Variants in PLEKHO2 observed in about 807,000 individuals in gnomAD.
The protein encoded by PLEKHO2 is pleckstrin homology domain containing O2.
In PLEKHO2, 20 loss-of-function variants were observed where a neutral mutation model predicts 32.7. The ratio of observed to expected loss-of-function variants is 0.61; its 90% CI spans 0.43 to 0.89. The LOEUF (loss-of-function observed/expected upper bound fraction) is 0.89, where lower values mean the gene tolerates loss of function less well. PLEKHO2 is among the 40% of genes least tolerant of loss of function. PLEKHO2 has a pLI of 0.00. For missense variants in PLEKHO2, 568 were observed against 621.2 expected, an observed-to-expected ratio of 0.91 and a Z score of 0.91; for synonymous variants, 247 against 246.3, an observed-to-expected ratio of 1.00 and a Z score of -0.03.
In PLEKHO2 at chr15:64,865,797, T is replaced by C. The variant is rs768925404; in HGVS notation, c.1382T>C (p.Met461Thr). Residue 461 changes from methionine to threonine, a missense_variant, in exon 6 of 6, where the codon ATG becomes ACG. Transcript: ENST00000323544. ...LRQATQVLQE[M>T]RDLGELSQEA... ...CAGGCCACCCAGGTCCTGCAGGAAA[T>C]GAGAGATTTGGGAGAGCTGAGCCAG... is the stretch of plus-strand genomic sequence containing the variant. 3 of 1,613,466 alleles carry C rather than the reference T, an allele frequency of 1.9e-6. No homozygotes were observed. Among genetic ancestry groups the C allele is most frequent in the Admixed American group, 1.7e-5 (1 of 59,984 alleles).
chr15:64,865,622 T>C lies in PLEKHO2; in HGVS notation c.1207T>C (p.Leu403=). Residue 403 remains leucine (L), a synonymous_variant, in exon 6 of 6, where the codon TTG becomes CTG. Transcript: ENST00000323544. The stretch of plus-strand genomic sequence containing the variant: ...GCTTGGGGAAGGCCCGCGGCATCCC[T>C]TGCAGCCCAGGGAACGGCTATATCG... The part of the protein sequence containing the change: ...DLLGEGPRHP[L]QPRERLYRAQ... The C allele has an allele frequency of 1.2e-6, 2 of 1,614,250 alleles. No individual in the cohort carries two copies. Among genetic ancestry groups the C allele is most frequent in the Non-Finnish European group, 1.7e-6 (2 of 1,180,034 alleles).
At chr15:64,849,905 A>G (rs1771240844) in intron 2 of PLEKHO2, among the ~76,000 whole-genome samples, 1 of 151,490 alleles carries the variant, frequency 6.6e-6, no homozygotes, top group Non-Finnish European at 1.5e-5. Flanking sequence ...TTACACCTAT[A>G]ATCTCAGCAC....
At chr15:64,842,265 A>G (rs2084489955) in intron 1 of PLEKHO2, among the ~76,000 whole-genome samples, 1 of 152,214 alleles carries the variant, frequency 6.6e-6, no homozygotes, top group Non-Finnish European at 1.5e-5. Flanking sequence ...CGTGGTTGTT[A>G]CCGTTCCCAT....
At chr15:64,843,290 C>A (rs766156364) in intron 1 of PLEKHO2, among the ~76,000 whole-genome samples, 5 of 152,238 alleles carry the variant, frequency 3.3e-5, no homozygotes, top group Admixed American at 1.3e-4. Context: ...CTGACAGTGG[C>A]CGGTTCTCTC....
chr15:64,865,036 C>T lies in PLEKHO2; in HGVS notation c.621C>T (p.Thr207=), dbSNP rs564254491. 1.2e-6 allele frequency: 2 copies of T among 1,614,114 alleles called. No individual in the cohort carries two copies. Among genetic ancestry groups the T allele is most frequent in the African/African-American group, 1.3e-5 (1 of 75,038 alleles). ...CACCCCGGCCCCTCATGCCTCCTACCAAGCCTTTCCTAGCACCTGAGACCA... is the reference window on the plus strand; with the variant it reads ...CACCCCGGCCCCTCATGCCTCCTACTAAGCCTTTCCTAGCACCTGAGACCA... ...RETPRPLMPP[T]KPFLAPETTS... The change falls in exon 6 of 6, where the codon ACC becomes ACT. Residue 207 remains threonine (T), a synonymous_variant. Transcript: ENST00000323544.
At position 64,867,468 on chromosome 15, in the gene PLEKHO2, A is replaced by T. The variant is rs902380385; in HGVS notation, c.*1580A>T. The T allele has an allele frequency of 1.3e-5, 2 of 152,318 alleles. No individual in the cohort carries two copies. Among genetic ancestry groups the T allele is most frequent in the African/African-American group, 2.4e-5 (1 of 41,438 alleles). 9.4% of individuals were successfully genotyped at this position (152,318 alleles called of 1,614,324 possible). On this transcript the variant is annotated 3_prime_UTR_variant, in exon 6 of 6. Transcript: ENST00000323544. ...CTTGTGCAAACTGGGCCCCCATGCC[A>T]CAGTCTGGCTTTCCCTCCATCTGCC...
At chr15:64,859,421 C>T (rs375553404) in intron 3 of PLEKHO2, among the ~76,000 whole-genome samples, 2 of 152,320 alleles carry the variant, frequency 1.3e-5, no homozygotes, top group African/African-American at 4.8e-5. Flanking sequence ...TTTCCATGAC[C>T]TCACTCCTTC....
rs74019327 is a variant in PLEKHO2, at chr15:64,844,946, G to A, written c.12+2918G>A. Among the ~76,000 whole-genome samples, 588 of 152,300 alleles carry A rather than the reference G, an allele frequency of 3.9e-3. 5 individuals carry two copies. Among genetic ancestry groups the A allele is most frequent in the African/African-American group, 0.013 (549 of 41,572 alleles). ...AGACAGGGGACTTATCTTATACAGC[G>A]TCTCTGTTACCCACCTCAGACTGAA... On this transcript the variant is annotated intron_variant, in intron 1 of 5. Transcript: ENST00000323544.
At chr15:64,854,243 G>T (rs2084591008) in intron 2 of PLEKHO2, among the ~76,000 whole-genome samples, 1 of 152,226 alleles carries the variant, frequency 6.6e-6, no homozygotes, top group Non-Finnish European at 1.5e-5. Context: ...AAGAGGCTGG[G>T]CACTGTTCTG....
intron 2 of PLEKHO2, among the ~76,000 whole-genome samples, chr15:64,849,239 C>A (rs926176369): frequency 6.6e-6 from 1 of 151,646 alleles, no homozygotes; most frequent in Non-Finnish European, 1.5e-5. Context: ...TCTCCTGGGT[C>A]CTGGTTCAAG....
chr15:64,851,976 G>A (rs2140340538), intron 2 of PLEKHO2, among the ~76,000 whole-genome samples: 1 of 152,244 alleles, frequency 6.6e-6, no homozygotes, highest in South Asian at 2.1e-4. Context: ...AAGGCACTCA[G>A]AAAACTGGTC....
chr15:64,849,378 C>T (rs1388240844), intron 2 of PLEKHO2, among the ~76,000 whole-genome samples: 1 of 151,976 alleles, frequency 6.6e-6, no homozygotes, highest in Non-Finnish European at 1.5e-5. Flanking sequence ...AATCTCTTGA[C>T]CTCGTGATCC....
chr15:64,845,779 C>A (rs2084517432), intron 1 of PLEKHO2, among the ~76,000 whole-genome samples: 1 of 152,168 alleles, frequency 6.6e-6, no homozygotes, highest in Admixed American at 6.5e-5. Flanking sequence ...CAGCTGTGGC[C>A]CTAGGGAGCT....
rs2084657852 is a variant in PLEKHO2, at chr15:64,863,516, TGTTTG to T, written c.484-1382_484-1378del. Among the ~76,000 whole-genome samples the T allele has an allele frequency of 4.7e-5, 5 of 107,176 alleles. No homozygotes were observed. The South Asian group carries it at 1.9e-3, about 40-fold the overall frequency. The allele number at this position is 107,176 out of a possible 152,430, so 70.3% of individuals were successfully genotyped here. A position where few individuals can be genotyped will look rare whatever the true frequency, so the allele number is the denominator to read the frequency against. ...TTCAGGGAGGCGCTGTGTGTGTGTG[TGTTTG>T]TGTGTGTGTGTGTGTGTGTGTGTGT... On this transcript the variant is annotated intron_variant, in intron 5 of 5. Coordinates refer to ENST00000323544, the MANE Select transcript of PLEKHO2 (RefSeq NM_025201.5).
chr15:64,848,750 C>T lies in PLEKHO2; in HGVS notation c.162+8C>T, dbSNP rs1434832186. 6.2e-7 allele frequency: 1 copy of T among 1,613,796 alleles called. No individual in the cohort carries two copies. The highest frequency in any genetic ancestry group is 1.7e-5 in the Admixed American group (1 of 60,000). ...CTGGTCTATGAGAATGAGGTGAGGA[C>T]CTGCTTGGCCCTGAGATTGGGGGTT... is the stretch of plus-strand genomic sequence containing the variant. On this transcript the variant is annotated splice_region_variant and intron_variant, in intron 2 of 5. Transcript: ENST00000323544.
chr15:64,856,891 TC>T (rs2084609778), intron 3 of PLEKHO2, among the ~76,000 whole-genome samples: 1 of 152,228 alleles, frequency 6.6e-6, no homozygotes, highest in South Asian at 2.1e-4. Flanking sequence ...CAGTGAGGCC[TC>T]CAGCCGGCCA....
Position 64,844,230 on chromosome 15 carries a change from C to T in PLEKHO2, c.12+2202C>T, listed in dbSNP as rs1213930866. Among the ~76,000 whole-genome samples, 3 of 152,328 alleles carry T rather than the reference C, an allele frequency of 2.0e-5. No individual in the cohort carries two copies. In the East Asian group the frequency reaches 5.8e-4, roughly 29 times the overall value. On this transcript the variant is annotated intron_variant, in intron 1 of 5. Coordinates refer to ENST00000323544, the MANE Select transcript of PLEKHO2 (RefSeq NM_025201.5). ...CCTCCCTGTGCCCGGCCACCCTGGGCCAAGGTCCCTCAGCCTCAGTGACCT... is the reference window on the plus strand; with the variant it reads ...CCTCCCTGTGCCCGGCCACCCTGGGTCAAGGTCCCTCAGCCTCAGTGACCT...
At position 64,861,550 on chromosome 15, in the gene PLEKHO2, C is replaced by T. The variant is rs374093329; in HGVS notation, c.458C>T (p.Pro153Leu). The T allele has an allele frequency of 2.7e-5, 43 of 1,606,850 alleles. No homozygotes were observed. The Middle Eastern group carries it at 5.0e-4, about 19-fold the overall frequency. ...DRVRGGQRRR[P>L]PTRVHLKEVA... ...GTGCGAGGGGGCCAGCGACGCCGGCCACCAACGAGAGTCCACCTGAAGGAG... is the reference window on the plus strand; with the variant it reads ...GTGCGAGGGGGCCAGCGACGCCGGCTACCAACGAGAGTCCACCTGAAGGAG... Residue 153 changes from proline to leucine, a missense_variant, in exon 5 of 6, where the codon CCA (proline) becomes CTA (leucine). Physicochemically the swap from Pro to Leu is moderately conservative, Grantham distance 98. Transcript: ENST00000323544.
intron 3 of PLEKHO2, 32 bp downstream of exon 3, chr15:64,855,069 C>CT: frequency 1.3e-6 from 2 of 1,529,750 alleles, no homozygotes; most frequent in Non-Finnish European, 1.8e-6. Context: ...CCCCATCTCC[C>CT]TCTAGCCCAG....
Sources: allele counts gnomAD v4.1 joint callset (sites outside exome capture counted in the v4.1 genomes callset), GRCh38; gene constraint gnomAD v4.1.1; transcripts MANE v1.5; gene names NCBI Gene and HGNC (gene_info 2026-07-23, HGNC 2026-07-21).